TBXAS1: variants seen among roughly 807,000 people sequenced by gnomAD.
The protein encoded by TBXAS1 is thromboxane A synthase 1.
A neutral mutation model predicts 60.7 loss-of-function variants in TBXAS1; 48 were observed. The ratio of observed to expected loss-of-function variants is 0.79; its 90% CI spans 0.63 to 1.01. TBXAS1 has a LOEUF of 1.01. Ranked by LOEUF, TBXAS1 falls within the 50% of genes least tolerant of loss-of-function variation. The probability of loss-of-function intolerance (pLI) is 0.00; values close to 1 mark genes in which losing one functional copy is unlikely to be tolerated. For synonymous variants in TBXAS1, 287 were observed against 269.7 expected, an observed-to-expected ratio of 1.06 and a Z score of -0.63; for missense variants, 685 against 686.3, an observed-to-expected ratio of 1.00 and a Z score of 0.02.
At chr7:139,947,585 A>G (rs17161283) in intron 5 of TBXAS1, among the ~76,000 whole-genome samples, 4,351 of 152,340 alleles carry the variant, frequency 0.029, 191 homozygotes, top group African/African-American at 0.099. Flanking sequence ...AAAACTGGGT[A>G]CTTTAATTAC....
chr7:139,792,305 C>G (rs17161128), intron 4 of TBXAS1, among the ~76,000 whole-genome samples: 9,677 of 152,174 alleles, frequency 0.064, 1,022 homozygotes, highest in African/African-American at 0.22. Flanking sequence ...TTACCAAAAC[C>G]ACAAGGCTAA....
At chr7:139,906,848 A>G (rs1204665093) in intron 3 of TBXAS1, among the ~76,000 whole-genome samples, 1 of 152,200 alleles carries the variant, frequency 6.6e-6, no homozygotes, top group African/African-American at 2.4e-5. Flanking sequence ...GTTCATTGTT[A>G]GCATGTAGAA....
At chr7:139,972,360 A>G (rs1174433464) in intron 9 of TBXAS1, among the ~76,000 whole-genome samples, 1 of 152,226 alleles carries the variant, frequency 6.6e-6, no homozygotes, top group Admixed American at 6.5e-5. Flanking sequence ...AAAAGCAAGA[A>G]TGAAAAATAA....
intron 10 of TBXAS1, among the ~76,000 whole-genome samples, chr7:140,007,954 C>T (rs548750652): frequency 1.3e-5 from 2 of 152,304 alleles, no homozygotes; most frequent in African/African-American, 4.8e-5. Context: ...ACAAGGCACT[C>T]CATAGAGAAG....
At chr7:139,855,426 G>A (rs534825781) in intron 1 of TBXAS1, among the ~76,000 whole-genome samples, 4 of 152,142 alleles carry the variant, frequency 2.6e-5, no homozygotes, top group East Asian at 1.9e-4. Flanking sequence ...GATGTCAGGC[G>A]TGGGCTGCCC....
Position 139,955,476 on chromosome 7 carries a change from C to T in TBXAS1, c.557C>T (p.Thr186Ile), listed in dbSNP as rs1208000348. The change falls in exon 7 of 13, where the codon ACC becomes ATC. Residue 186 changes from threonine to isoleucine, a missense_variant. Transcript: ENST00000448866. ...FDIQRCYCNY[T>I]TDVVASVAFG... is the part of the protein sequence containing the mutation. ...TCCCGTAGGTGCTACTGCAATTACA[C>T]CACAGATGTGGTTGCCAGCGTCGCC... is the stretch of plus-strand genomic sequence containing the variant. 2.5e-6 allele frequency: 4 copies of T among 1,614,242 alleles called. No individual in the cohort carries two copies. Among genetic ancestry groups the T allele is most frequent in the Non-Finnish European group, 3.4e-6 (4 of 1,180,034 alleles).
chr7:140,018,718 C>G (rs183855848), intron 12 of TBXAS1, among the ~76,000 whole-genome samples: 5 of 152,308 alleles, frequency 3.3e-5, no homozygotes, highest in Admixed American at 3.3e-4. Flanking sequence ...AAATAACTTG[C>G]CTAAGGCCAC....
intron 10 of TBXAS1, among the ~76,000 whole-genome samples, chr7:140,011,187 G>A (rs1299137326): frequency 6.6e-6 from 1 of 151,996 alleles, no homozygotes; most frequent in Admixed American, 6.6e-5. Context: ...TAAGGCAGGA[G>A]AATTGCTTGA....
intron 3 of TBXAS1, among the ~76,000 whole-genome samples, chr7:139,909,631 T>A (rs373507333): frequency 6.6e-6 from 1 of 152,228 alleles, no homozygotes; most frequent in African/African-American, 2.4e-5. Flanking sequence ...CAGACAAATA[T>A]TTTTATTGTT....
intron 5 of TBXAS1, among the ~76,000 whole-genome samples, chr7:139,937,100 C>T (rs1222597721): frequency 1.3e-5 from 2 of 152,184 alleles, no homozygotes; most frequent in Non-Finnish European, 2.9e-5. Context: ...AGCCTGACAG[C>T]CCCCTCAATT....
At chr7:139,876,196 G>A (rs972621619) in intron 3 of TBXAS1, among the ~76,000 whole-genome samples, 1 of 152,102 alleles carries the variant, frequency 6.6e-6, no homozygotes, top group Non-Finnish European at 1.5e-5. Context: ...GGATATGCTG[G>A]GGCATATGGT....
At chr7:139,906,061 C>G (rs1245241608) in intron 3 of TBXAS1, 2 of 391,840 alleles carry the variant, frequency 5.1e-6, no homozygotes, top group African/African-American at 2.3e-5. Flanking sequence ...ATGCCAATTA[C>G]TCTAGCATCT....
intron 5 of TBXAS1, among the ~76,000 whole-genome samples, chr7:139,952,160 C>T (rs550207273): frequency 1.3e-5 from 2 of 152,110 alleles, no homozygotes; most frequent in African/African-American, 4.8e-5. Flanking sequence ...GATTGTTAGA[C>T]GAAGTCAGAT....
At position 139,916,805 on chromosome 7, in the gene TBXAS1, A is replaced by G. The variant is rs1584848256; in HGVS notation, c.333+5484A>G. Among the ~76,000 whole-genome samples, 1 of 152,350 alleles carries G rather than the reference A, an allele frequency of 6.6e-6. No homozygotes were observed. The highest frequency in any genetic ancestry group is 1.9e-4 in the East Asian group (1 of 5,180). ...AAAGCTCAATTCAGGGCTACAGGTG[A>G]GTCAGACGCCCTTGTGCGGGGGCCA... On this transcript the variant is annotated intron_variant, in intron 4 of 12. Coordinates refer to ENST00000448866, the MANE Select transcript of TBXAS1 (RefSeq NM_001061.7). The surrounding 1 kb of genome is among the most constrained non-coding windows in gnomAD (Gnocchi z 4.2).
chr7:139,920,876 C>A (rs1806413425), intron 4 of TBXAS1, among the ~76,000 whole-genome samples: 1 of 152,160 alleles, frequency 6.6e-6, no homozygotes, highest in Non-Finnish European at 1.5e-5. Context: ...GATGATACCC[C>A]AATACAGCCC....
chr7:140,016,471 A>C (rs903525614), intron 11 of TBXAS1: 1 of 266,966 alleles, frequency 3.7e-6, no homozygotes, highest in Non-Finnish European at 7.3e-6. Flanking sequence ...ATTGTCTTCC[A>C]TTCATTCAAG....
At position 139,907,045 on chromosome 7, in the gene TBXAS1, T is replaced by C. The variant is rs537983670; in HGVS notation, c.237-4180T>C. Among the ~76,000 whole-genome samples, 9 of 152,334 alleles carry C rather than the reference T, an allele frequency of 5.9e-5. No homozygotes were observed. The South Asian group carries it at 6.2e-4, about 11-fold the overall frequency. On this transcript the variant is annotated intron_variant, in intron 3 of 12. Coordinates refer to ENST00000448866, the MANE Select transcript of TBXAS1 (RefSeq NM_001061.7). ...GCTTTTCATTTATTTTCTTGCCTTATTGCACTGGCTAGAACTTCCAATACT... is the reference window on the plus strand; with the variant it reads ...GCTTTTCATTTATTTTCTTGCCTTACTGCACTGGCTAGAACTTCCAATACT...
chr7:139,936,726 C>T (rs1257488220), intron 5 of TBXAS1, among the ~76,000 whole-genome samples: 8 of 152,218 alleles, frequency 5.3e-5, no homozygotes, highest in South Asian at 2.1e-4. Flanking sequence ...TTATAACACC[C>T]GGCCAGGTAA....
At chr7:139,826,984 G>A (rs751493167), upstream of TBXAS1, among the ~76,000 whole-genome samples, 1 of 152,134 alleles carries the variant, frequency 6.6e-6, no homozygotes, top group African/African-American at 2.4e-5. Flanking sequence ...TGAGGGTCAG[G>A]TGTGGTCCTC....
Sources: gnomAD v4.1 joint callset for allele counts (sites outside exome capture counted in the v4.1 genomes callset) on GRCh38, gnomAD v4.1.1 for gene constraint, Gnocchi (gnomAD v3.1) non-coding constraint, MANE v1.5 for transcripts, NCBI Gene and HGNC (gene_info 2026-07-23, HGNC 2026-07-21) for gene names.